MYO18B: variants seen among roughly 807,000 people sequenced by gnomAD.
The protein encoded by MYO18B is myosin XVIIIB, also known as unconventional myosin-XVIIIb.
Under a neutral mutation model 273.0 loss-of-function variants are expected in MYO18B, and 204 were observed. The ratio of observed to expected loss-of-function variants is 0.75; its 90% confidence interval spans 0.67 to 0.84. The LOEUF is 0.84. MYO18B is among the 40% of genes least tolerant of loss of function. The probability of loss-of-function intolerance (pLI) is 0.00; values close to 1 mark genes in which losing one functional copy is unlikely to be tolerated. For synonymous variants in MYO18B, 1,330 were observed against 1,305.7 expected (o/e 1.02, Z -0.40); for missense variants, 3,212 against 3,287.6 (o/e 0.98, Z 0.56).
the MYO18B span, among the ~76,000 whole-genome samples, chr22:26,062,798 C>G: frequency 2.0e-5 from 3 of 152,112 alleles, no homozygotes; most frequent in African/African-American, 7.2e-5. Context: ...TCCCCAAGGC[C>G]AAGCCCTGTG....
chr22:25,893,162 G>A (rs1013168004), intron 27 of MYO18B, among the ~76,000 whole-genome samples: 7 of 152,180 alleles, frequency 4.6e-5, no homozygotes, highest in African/African-American at 1.7e-4. Context: ...TCATATCATC[G>A]CAGTGGTACC....
At chr22:25,753,018 C>G (rs1349313244) in intron 1 of MYO18B, among the ~76,000 whole-genome samples, 1 of 152,240 alleles carries the variant, frequency 6.6e-6, no homozygotes, top group Non-Finnish European at 1.5e-5. Context: ...GAATTCTCAC[C>G]GTGCCTCAGC....
chr22:25,877,948 T>C lies in MYO18B; in HGVS notation c.4225-11T>C. Reference sequence around the variant, plus strand: ...CTGGAATGGTTTCTGTTCATGTGTTTGTTTTTGTAGGAGGAGCTTACAACG... The same window carrying C: ...CTGGAATGGTTTCTGTTCATGTGTTCGTTTTTGTAGGAGGAGCTTACAACG... On this transcript the variant is annotated splice_polypyrimidine_tract_variant and intron_variant, in intron 24 of 43. Transcript: ENST00000335473. 1 of 1,564,018 alleles carries C rather than the reference T, an allele frequency of 6.4e-7. No homozygotes were observed. Among genetic ancestry groups the C allele is most frequent in the Non-Finnish European group, 8.7e-7 (1 of 1,153,646 alleles).
chr22:25,860,122 C>G (rs1264007856), intron 21 of MYO18B, among the ~76,000 whole-genome samples: 1 of 152,178 alleles, frequency 6.6e-6, no homozygotes, highest in Admixed American at 6.5e-5. Context: ...TGTGTTGGAA[C>G]CTTTGTCAAA....
At chr22:25,821,213 G>A (rs1186941513) in intron 12 of MYO18B, among the ~76,000 whole-genome samples, 3 of 151,928 alleles carry the variant, frequency 2.0e-5, no homozygotes, top group Non-Finnish European at 4.4e-5. Flanking sequence ...TCATACAGTA[G>A]TTCTATCTAT....
Position 25,853,133 on chromosome 22 carries a change from ACAT to A in MYO18B, c.3885+1557_3885+1559del, listed in dbSNP as rs374908798. ...CAATATACATTAACCACCATCATCA[ACAT>A]CAGCAGCAGCACCATCAATATCATC... On this transcript the variant is annotated intron_variant, in intron 21 of 43. Coordinates refer to ENST00000335473, the MANE Select transcript of MYO18B (RefSeq NM_032608.7). Among the ~76,000 whole-genome samples, 517 of 152,334 alleles carry A rather than the reference ACAT, an allele frequency of 3.4e-3. 2 individuals carry two copies. The highest frequency in any genetic ancestry group is 0.012 in the African/African-American group (482 of 41,574).
At chr22:25,964,242 A>T (rs923856831) in intron 39 of MYO18B, 1 of 152,536 alleles carries the variant, frequency 6.6e-6, no homozygotes, top group Non-Finnish European at 1.5e-5. Flanking sequence ...CAACAGGGTG[A>T]CAGATGTTAC....
rs149617914 is a variant in MYO18B at position 25,746,848 on chromosome 22, G to A, written c.-110+4555G>A. The stretch of plus-strand genomic sequence containing the variant: ...GAAAATTAGCCCTTTGAGGCTGGGC[G>A]CAGTGGCTCATGCCTGTAATCCCAG... On this transcript the variant is annotated intron_variant, in intron 1 of 43. Transcript: ENST00000335473. 8.1e-3 allele frequency among the ~76,000 whole-genome samples: 1,240 copies of A among 152,236 alleles called. 18 individuals carry two copies. Among genetic ancestry groups the A allele is most frequent in the African/African-American group, 0.029 (1,185 of 41,540 alleles).
intron 21 of MYO18B, among the ~76,000 whole-genome samples, chr22:25,854,116 T>C (rs1339024233): frequency 2.0e-5 from 3 of 152,170 alleles, no homozygotes; most frequent in African/African-American, 7.2e-5. Context: ...GGATTCATTG[T>C]CAGGGTGTAA....
chr22:25,917,404 T>C (rs2092276656), intron 33 of MYO18B, among the ~76,000 whole-genome samples: 1 of 152,190 alleles, frequency 6.6e-6, no homozygotes, highest in South Asian at 2.1e-4. Flanking sequence ...ATTGCTTTAT[T>C]TTCTTGAAGA....
chr22:25,823,817 A>T, intron 13 of MYO18B, 139 bp downstream of exon 13: 1 of 897,612 alleles, frequency 1.1e-6, no homozygotes, highest in Non-Finnish European at 1.7e-6. Context: ...ATGCAGGGGA[A>T]GCCATCGTGG....
chr22:25,888,642 A>G (rs2091572126), intron 25 of MYO18B, among the ~76,000 whole-genome samples: 1 of 107,130 alleles, frequency 9.3e-6, no homozygotes, highest in African/African-American at 7.3e-5. Context: ...GAACAGCAAG[A>G]GAAAGCTCCC....
chr22:25,949,092 T>C (rs1004661957), intron 36 of MYO18B, among the ~76,000 whole-genome samples: 1 of 151,816 alleles, frequency 6.6e-6, no homozygotes, highest in African/African-American at 2.4e-5. Flanking sequence ...TGTTATGAGA[T>C]TGGGTTTTAT....
intron 12 of MYO18B, among the ~76,000 whole-genome samples, chr22:25,800,696 C>T (rs2088154779): frequency 6.6e-6 from 1 of 152,222 alleles, no homozygotes; most frequent in Admixed American, 6.5e-5. Context: ...TATCCAGAGA[C>T]TAAGGGGGAG....
At chr22:25,749,689 G>A (rs538408914) in intron 1 of MYO18B, among the ~76,000 whole-genome samples, 2 of 152,150 alleles carry the variant, frequency 1.3e-5, no homozygotes, top group African/African-American at 2.4e-5. Context: ...ATGTCAGGGC[G>A]GTCGTCTTGT....
At chr22:25,824,922 A>G (rs1461960434) in intron 13 of MYO18B, among the ~76,000 whole-genome samples, 1 of 151,886 alleles carries the variant, frequency 6.6e-6, no homozygotes, top group Non-Finnish European at 1.5e-5. Flanking sequence ...CCACGGAATC[A>G]CACACATGCA....
intron 34 of MYO18B, among the ~76,000 whole-genome samples, chr22:25,936,069 G>A (rs984803960): frequency 6.6e-6 from 1 of 152,252 alleles, no homozygotes; most frequent in Non-Finnish European, 1.5e-5. Flanking sequence ...CAGGAGCCCA[G>A]TGTCCAGTGG....
Position 25,780,318 on chromosome 22 carries a change from C to T in MYO18B, c.2211+120C>T, listed in dbSNP as rs144624230. On this transcript the variant is annotated intron_variant, in intron 9 of 43. Coordinates refer to ENST00000335473, the MANE Select transcript of MYO18B (RefSeq NM_032608.7). ...TAGGATGTGTCTGAAATGGTCATGGCGGTGGCTCAGGCCTGTAATCCCAGC... is the reference window on the plus strand; with the variant it reads ...TAGGATGTGTCTGAAATGGTCATGGTGGTGGCTCAGGCCTGTAATCCCAGC... 5.9e-4 allele frequency: 753 copies of T among 1,265,992 alleles called. 7 individuals are homozygous for T. In the East Asian group the frequency reaches 0.017, roughly 28 times the overall value. 78.4% of individuals were successfully genotyped at this position (1,265,992 alleles called of 1,614,324 possible).
At chr22:25,852,944 A>C (rs1244821603) in intron 21 of MYO18B, among the ~76,000 whole-genome samples, 2 of 152,256 alleles carry the variant, frequency 1.3e-5, no homozygotes, top group Non-Finnish European at 1.5e-5. Context: ...TAAGTGCTAC[A>C]AAAACTAATT....
Sources: allele counts gnomAD v4.1 joint callset (sites outside exome capture counted in the v4.1 genomes callset), GRCh38; gene constraint gnomAD v4.1.1; transcripts MANE v1.5; gene names NCBI Gene and HGNC (gene_info 2026-07-23, HGNC 2026-07-21).